The following TTLL5 variants were observed in gnomAD, a reference collection of about 807,000 sequenced individuals.
TTLL5 encodes the protein tubulin tyrosine ligase like 5.
A neutral mutation model predicts 168.4 loss-of-function variants in TTLL5; 132 were observed. The ratio of observed to expected loss-of-function variants is 0.78; its 90% CI spans 0.68 to 0.91. TTLL5 has a LOEUF of 0.91. Ranked by LOEUF, TTLL5 falls within the 40% of genes least tolerant of loss-of-function variation. The probability of loss-of-function intolerance (pLI) is 0.00; values close to 1 mark genes in which losing one functional copy is unlikely to be tolerated. For synonymous variants in TTLL5, 546 were observed against 558.6 expected (o/e 0.98, Z 0.32); for missense variants, 1,545 against 1,581.5 (o/e 0.98, Z 0.39).
intron 27 of TTLL5, among the ~76,000 whole-genome samples, chr14:75,808,283 T>A (rs903027477): frequency 6.6e-6 from 1 of 152,168 alleles, no homozygotes; most frequent in African/African-American, 2.4e-5. Flanking sequence ...GCCAAGAGAA[T>A]TTAGTGCTGA....
In TTLL5 at chr14:75,683,656, G is replaced by A. The variant is rs1484442636; in HGVS notation, c.371G>A (p.Arg124Lys). 3 of 1,611,882 alleles carry A rather than the reference G, an allele frequency of 1.9e-6. No homozygotes were observed. Among genetic ancestry groups the A allele is most frequent in the Non-Finnish European group, 2.5e-6 (3 of 1,178,152 alleles). The part of the protein sequence containing the change: ...SEAQKVNHFP[R>K]SYELTRKDRL... Reference sequence around the variant, plus strand: ...GCACAAAAAGTTAATCACTTTCCCAGGTAATGCTCTTTGTAGCTGCTTTGC... The same window carrying A: ...GCACAAAAAGTTAATCACTTTCCCAAGTAATGCTCTTTGTAGCTGCTTTGC... Residue 124 changes from arginine to lysine, a missense_variant and splice_region_variant, in exon 5 of 32, where the codon AGG becomes AAG. Arg to Lys is a conservative substitution (Grantham distance 26). Coordinates refer to ENST00000298832, the MANE Select transcript of TTLL5 (RefSeq NM_015072.5).
intron 29 of TTLL5, among the ~76,000 whole-genome samples, chr14:75,875,563 T>C (rs1037524766): frequency 1.3e-5 from 2 of 151,370 alleles, no homozygotes; most frequent in Admixed American, 1.3e-4. Context: ...GAAAAAAATA[T>C]ATTGTGAACA....
At chr14:75,743,002 T>G (rs1889367009) in intron 15 of TTLL5, among the ~76,000 whole-genome samples, 1 of 152,222 alleles carries the variant, frequency 6.6e-6, no homozygotes, top group African/African-American at 2.4e-5. Flanking sequence ...TTTCCCAAAA[T>G]CCTTCTGCAA....
Position 75,955,038 on chromosome 14 carries a change from G to C in TTLL5, c.*592G>C, listed in dbSNP as rs1049739819. ...TGAGCCAGGGTAAAGGCACCCTTTG[G>C]AATTACTGATTTCAAAGATTAATAA... is the stretch of plus-strand genomic sequence containing the variant. On this transcript the variant is annotated 3_prime_UTR_variant, in exon 32 of 32. Transcript: ENST00000298832. 1.2e-4 allele frequency: 19 copies of C among 152,062 alleles called. No homozygotes were observed. Among genetic ancestry groups the C allele is most frequent in the African/African-American group, 4.6e-4 (19 of 41,388 alleles). The allele number at this position is 152,062 out of a possible 1,614,324, so 9.4% of individuals were successfully genotyped here. A position where few individuals can be genotyped will look rare whatever the true frequency, so the allele number is the denominator to read the frequency against.
intron 15 of TTLL5, among the ~76,000 whole-genome samples, chr14:75,741,446 A>G (rs1387894711): frequency 1.3e-5 from 2 of 151,756 alleles, no homozygotes; most frequent in Non-Finnish European, 2.9e-5. Context: ...CCCAAAGGCA[A>G]AGCTGCAGAA....
rs891589092 is a variant in TTLL5 at position 75,824,236 on chromosome 14, G to A, written c.3326+4075G>A. On this transcript the variant is annotated intron_variant, in intron 28 of 31. Transcript: ENST00000298832. ...TCTTCCATGTTCTCAGCACAGTATTGGGTGCTGGGTAGGGCCTAAAAGACT... is the reference window on the plus strand; with the variant it reads ...TCTTCCATGTTCTCAGCACAGTATTAGGTGCTGGGTAGGGCCTAAAAGACT... 2.6e-5 allele frequency among the ~76,000 whole-genome samples: 4 copies of A among 152,226 alleles called. No individual in the cohort carries two copies. The South Asian group carries it at 6.2e-4, about 24-fold the overall frequency.
intron 27 of TTLL5, among the ~76,000 whole-genome samples, chr14:75,816,888 A>G (rs1429312135): frequency 6.6e-6 from 1 of 151,568 alleles, no homozygotes; most frequent in African/African-American, 2.4e-5. Context: ...TGCCCCTAGG[A>G]TATAGGAAGA....
At chr14:75,905,910 A>C (rs1003497102) in intron 31 of TTLL5, among the ~76,000 whole-genome samples, 14 of 152,174 alleles carry the variant, frequency 9.2e-5, no homozygotes, top group African/African-American at 3.4e-4. Flanking sequence ...AGTAGTCTGC[A>C]ATTGGTGGAA....
intron 30 of TTLL5, among the ~76,000 whole-genome samples, chr14:75,896,985 G>C (rs2032693848): frequency 6.6e-6 from 1 of 152,080 alleles, no homozygotes; most frequent in Non-Finnish European, 1.5e-5. Flanking sequence ...CTTAAATAGA[G>C]ACTTGTACTA....
intron 31 of TTLL5, chr14:75,906,708 C>G (rs1222543918): frequency 3.0e-6 from 3 of 985,658 alleles, no homozygotes; most frequent in Admixed American, 6.2e-5. Flanking sequence ...ATATTTTTAT[C>G]ATTTTCACTT....
intron 27 of TTLL5, among the ~76,000 whole-genome samples, chr14:75,800,040 G>A (rs141939282): frequency 1.3e-5 from 2 of 152,258 alleles, no homozygotes; most frequent in East Asian, 1.9e-4. Context: ...AGTTCTCCTC[G>A]ATTATTCCCC....
chr14:75,718,023 G>A, intron 10 of TTLL5, 61 bp downstream of exon 10: 1 of 1,487,564 alleles, frequency 6.7e-7, no homozygotes, highest in Non-Finnish European at 9.3e-7. Flanking sequence ...GTGTTGTAGA[G>A]GTGGAAAGGT....
intron 31 of TTLL5, among the ~76,000 whole-genome samples, chr14:75,934,521 C>T (rs960099861): frequency 3.6e-4 from 55 of 151,674 alleles, no homozygotes; most frequent in African/African-American, 1.2e-3. Flanking sequence ...TTCTGGGGGA[C>T]GAAGAACATT....
intron 28 of TTLL5, among the ~76,000 whole-genome samples, chr14:75,828,852 T>C (rs2139798954): frequency 6.6e-6 from 1 of 152,346 alleles, no homozygotes; most frequent in Middle Eastern, 3.4e-3. Context: ...AGGGTGAAAC[T>C]GGTAGTAAGT....
chr14:75,829,255 A>G (rs925791410), intron 28 of TTLL5, among the ~76,000 whole-genome samples: 1 of 152,226 alleles, frequency 6.6e-6, no homozygotes, highest in African/African-American at 2.4e-5. Context: ...ATAATTGCAC[A>G]TATATTTGGT....
chr14:75,890,429 A>G (rs555760470), intron 30 of TTLL5, among the ~76,000 whole-genome samples: 1 of 152,346 alleles, frequency 6.6e-6, no homozygotes, highest in South Asian at 2.1e-4. Context: ...AAGAGCAGTA[A>G]ACATAAGAAA....
chr14:75,931,598 C>T (rs1160750806), intron 31 of TTLL5, among the ~76,000 whole-genome samples: 1 of 152,118 alleles, frequency 6.6e-6, no homozygotes, highest in Non-Finnish European at 1.5e-5. Context: ...CTTTTAGAAA[C>T]AATTATGACT....
chr14:75,939,093 A>G (rs2034518991), intron 31 of TTLL5, among the ~76,000 whole-genome samples: 1 of 152,172 alleles, frequency 6.6e-6, no homozygotes, highest in Non-Finnish European at 1.5e-5. Flanking sequence ...CCAACAACAC[A>G]AAGTTGGGGC....
chr14:75,938,808 G>A (rs1211472701), intron 31 of TTLL5, among the ~76,000 whole-genome samples: 2 of 152,146 alleles, frequency 1.3e-5, no homozygotes, highest in African/African-American at 4.8e-5. Context: ...TGCCCCAGAG[G>A]CTTGTCATCC....
Sources: allele counts gnomAD v4.1 joint callset (sites outside exome capture counted in the v4.1 genomes callset), GRCh38; gene constraint gnomAD v4.1.1; transcripts MANE v1.5; gene names NCBI Gene and HGNC (gene_info 2026-07-23, HGNC 2026-07-21).